GLT8D2: variants seen among roughly 807,000 people sequenced by gnomAD.
The protein encoded by GLT8D2 is glycosyltransferase 8 domain-containing protein 2.
In GLT8D2, 45 loss-of-function variants were observed where a neutral mutation model predicts 44.5. That is an observed-to-expected ratio of 1.01 (90% CI 0.80 to 1.30). GLT8D2 has a LOEUF of 1.30. Ranked by LOEUF, GLT8D2 falls within the 50% of genes most tolerant of loss-of-function variation. The pLI, the probability that GLT8D2 is intolerant of heterozygous loss-of-function variation, is 0.00. For missense variants in GLT8D2, 400 were observed against 430.4 expected (o/e 0.93, Z 0.62); for synonymous variants, 156 against 157.2 (o/e 0.99, Z 0.06).
rs577449033 is a variant in GLT8D2, at chr12:104,006,798, A to G, written c.113-3492T>C. Among the ~76,000 whole-genome samples, 326 of 152,332 alleles carry G rather than the reference A, an allele frequency of 2.1e-3. 8 individuals carry two copies. In the South Asian group the frequency reaches 0.065, roughly 30 times the overall value. On this transcript the variant is annotated intron_variant, in intron 4 of 10. Coordinates refer to ENST00000360814, the MANE Select transcript of GLT8D2 (RefSeq NM_001384711.1). ...TAAGGCTGTGAGCCCTTTTGATCAT[A>G]ACACAAAATCTATTATTTTGGAGCT...
At chr12:104,005,999 A>C (rs1259155460) in intron 4 of GLT8D2, among the ~76,000 whole-genome samples, 1 of 152,170 alleles carries the variant, frequency 6.6e-6, no homozygotes, top group East Asian at 1.9e-4. Flanking sequence ...TCCATCAATG[A>C]TAGACTGGAT....
intron 4 of GLT8D2, among the ~76,000 whole-genome samples, chr12:104,008,552 GA>G (rs914487462): frequency 1.3e-4 from 19 of 149,040 alleles, no homozygotes; most frequent in South Asian, 6.3e-4. Flanking sequence ...CAATGTGATA[GA>G]AAAAAAAAAT....
intron 5 of GLT8D2, among the ~76,000 whole-genome samples, chr12:104,000,757 A>G (rs1268849449): frequency 6.6e-6 from 1 of 152,238 alleles, no homozygotes; most frequent in African/African-American, 2.4e-5. Flanking sequence ...GGCTAAGTGA[A>G]TGATGAGCAA....
At chr12:104,060,128 C>G (rs1357354013) in intron 1 of GLT8D2, among the ~76,000 whole-genome samples, 1 of 152,168 alleles carries the variant, frequency 6.6e-6, no homozygotes, top group Admixed American at 6.6e-5. Context: ...GCTTTCCTTA[C>G]CACTTCTGCC....
chr12:104,046,555 A>G (rs369642358), intron 1 of GLT8D2, among the ~76,000 whole-genome samples: 2 of 152,238 alleles, frequency 1.3e-5, no homozygotes, highest in East Asian at 3.8e-4. Flanking sequence ...CACTGTGTCA[A>G]GCAACTGACA....
At position 104,021,918 on chromosome 12, in the gene GLT8D2, GAAGAAGAAGAAGAAGAAGAAGAA is replaced by G. The variant is rs1566202296; in HGVS notation, c.-163-450_-163-428del. Reference sequence around the variant, plus strand: ...AGAAGAAGAAGAAGAAGAAGAAGAAGAAGAAGAAGAAGAAGAAGAAGAAGAAGAAGAAGAAGAGGAAGAAGAGG... The same window carrying G: ...AGAAGAAGAAGAAGAAGAAGAAGAAGGAAGAAGAAGAAGAGGAAGAAGAGG... On this transcript the variant is annotated intron_variant, in intron 1 of 10. Transcript: ENST00000360814. Among the ~76,000 whole-genome samples, 161 of 23,018 alleles carry G rather than the reference GAAGAAGAAGAAGAAGAAGAAGAA, an allele frequency of 7.0e-3. 10 individuals carry two copies. The highest frequency in any genetic ancestry group is 0.024 in the African/African-American group (148 of 6,072). The allele number at this position is 23,018 out of a possible 152,430, so 15.1% of individuals were successfully genotyped here. A position where few individuals can be genotyped will look rare whatever the true frequency, so the allele number is the denominator to read the frequency against.
intron 7 of GLT8D2, 39 bp downstream of exon 7, chr12:103,997,412 G>T (rs2136281124): frequency 7.3e-7 from 1 of 1,378,530 alleles, no homozygotes; most frequent in Non-Finnish European, 1.0e-6. Context: ...CTTATCAGCT[G>T]CTTCTTTTCC....
At chr12:104,054,056 C>T (rs1881960554), upstream of GLT8D2, among the ~76,000 whole-genome samples, 1 of 151,844 alleles carries the variant, frequency 6.6e-6, no homozygotes, top group African/African-American at 2.4e-5. Context: ...GTAATGATTA[C>T]CAAAATCAAA....
At chr12:104,042,647 G>A (rs1024959822) in intron 1 of GLT8D2, among the ~76,000 whole-genome samples, 4 of 152,152 alleles carry the variant, frequency 2.6e-5, no homozygotes, top group Admixed American at 2.6e-4. Context: ...AAGTGATGCT[G>A]GACAGCTTAA....
chr12:103,997,593 T>C (rs1873619400), intron 6 of GLT8D2, 58 bp from the exon 7 acceptor site: 4 of 1,214,748 alleles, frequency 3.3e-6, no homozygotes, highest in Middle Eastern at 1.9e-4. Context: ...TAGTGTCTTC[T>C]GGGGGTACTG....
intron 5 of GLT8D2, 53 bp downstream of exon 5, chr12:104,003,074 GGGAGGGAA>G: frequency 7.5e-7 from 1 of 1,324,644 alleles, no homozygotes; most frequent in Non-Finnish European, 1.1e-6. Flanking sequence ...GAGGGAGGGA[GGGAGGGAA>G]GGAGAGAGGG....
At chr12:104,058,671 T>C (rs1208576655) in intron 1 of GLT8D2, among the ~76,000 whole-genome samples, 1 of 152,196 alleles carries the variant, frequency 6.6e-6, no homozygotes, top group African/African-American at 2.4e-5. Context: ...CTTAAAGCCC[T>C]TGATCTTAAC....
intron 4 of GLT8D2, among the ~76,000 whole-genome samples, chr12:104,012,217 A>T (rs930836289): frequency 4.8e-5 from 7 of 147,220 alleles, no homozygotes; most frequent in Non-Finnish European, 1.1e-4. Context: ...TATATACCTT[A>T]AACACTTATT....
At chr12:103,991,828 A>AAT (rs1872772356) in intron 10 of GLT8D2, among the ~76,000 whole-genome samples, 3 of 145,342 alleles carry the variant, frequency 2.1e-5, no homozygotes, top group Non-Finnish European at 4.5e-5. Context: ...TCCTTTAAAA[A>AAT]AAAAAAAAAA....
At position 103,989,371 on chromosome 12, in the gene GLT8D2, A is replaced by T; in HGVS notation, c.*37T>A. 1 of 1,509,606 alleles carries T rather than the reference A, an allele frequency of 6.6e-7. No homozygotes were observed. Among genetic ancestry groups the T allele is most frequent in the Non-Finnish European group, 9.0e-7 (1 of 1,113,168 alleles). The allele number at this position is 1,509,606 out of a possible 1,614,324, so 93.5% of individuals were successfully genotyped here. A position where few individuals can be genotyped will look rare whatever the true frequency, so the allele number is the denominator to read the frequency against. ...GTTGGCTACAAAGGGACAATTCCAC[A>T]TTTCTATACAGGGAATATTTTAAGG... On this transcript the variant is annotated 3_prime_UTR_variant, in exon 11 of 11. Transcript: ENST00000360814.
chr12:104,011,347 G>T (rs897397801), intron 4 of GLT8D2, among the ~76,000 whole-genome samples: 1 of 152,206 alleles, frequency 6.6e-6, no homozygotes, highest in African/African-American at 2.4e-5. Flanking sequence ...AATGCTGGCA[G>T]AATGGAACAG....
chr12:104,028,033 C>T (rs1004657736), intron 1 of GLT8D2, among the ~76,000 whole-genome samples: 1 of 152,188 alleles, frequency 6.6e-6, no homozygotes, highest in African/African-American at 2.4e-5. Context: ...ATAGTAAATG[C>T]TGATTCATCT....
chr12:104,064,005 C>A lies in GLT8D2; in HGVS notation c.-479G>T, dbSNP rs1402923517. ...GCATGGCTCCGCACAAAGCTGCCTT[C>A]GGTTCGCCCGGCAGGCTTTGTAGCG... On this transcript the variant is annotated 5_prime_UTR_variant, in exon 1 of 11. Transcript: ENST00000548660. The surrounding 1 kb of genome is among the most constrained non-coding windows in gnomAD (Gnocchi z 7.3). The A allele has an allele frequency of 2.0e-5, 3 of 152,308 alleles. No homozygotes were observed. The highest frequency in any genetic ancestry group is 4.8e-5 in the African/African-American group (2 of 41,468). The allele number at this position is 152,308 out of a possible 1,614,324, so 9.4% of individuals were successfully genotyped here. A position where few individuals can be genotyped will look rare whatever the true frequency, so the allele number is the denominator to read the frequency against.
intron 1 of GLT8D2, among the ~76,000 whole-genome samples, chr12:104,036,626 T>A (rs1474204626): frequency 6.6e-6 from 1 of 152,224 alleles, no homozygotes; most frequent in Non-Finnish European, 1.5e-5. Context: ...CCTAAGTATA[T>A]ATGCACCCAA....
Sources: allele counts gnomAD v4.1 joint callset (sites outside exome capture counted in the v4.1 genomes callset), GRCh38; gene constraint gnomAD v4.1.1; non-coding constraint Gnocchi (gnomAD v3.1); transcripts MANE v1.5; gene names NCBI Gene and HGNC (gene_info 2026-07-23, HGNC 2026-07-21).